Variants in TIAM1 observed in about 807,000 individuals in gnomAD.
The protein encoded by TIAM1 is rho guanine nucleotide exchange factor TIAM1.
A neutral mutation model predicts 163.5 loss-of-function variants in TIAM1; 65 were observed. That is an observed-to-expected ratio of 0.40 (90% CI 0.33 to 0.49). The LOEUF (loss-of-function observed/expected upper bound fraction) is 0.49. Among genes scored for constraint, TIAM1 ranks in the 20% least tolerant of loss-of-function variants. TIAM1 has a pLI of 0.77. For missense variants in TIAM1, 1,789 were observed against 2,044.7 expected (o/e 0.87, Z 2.41); for synonymous variants, 833 against 810.1 (o/e 1.03, Z -0.48).
At chr21:31,516,723 T>G (rs1401824591) in intron 1 of TIAM1, among the ~76,000 whole-genome samples, 1 of 147,414 alleles carries the variant, frequency 6.8e-6, no homozygotes, top group Non-Finnish European at 1.5e-5. Context: ...CAGAATAAAA[T>G]TGAATAACAG....
chr21:31,378,983 T>C (rs2076733846), intron 2 of TIAM1, among the ~76,000 whole-genome samples: 1 of 152,200 alleles, frequency 6.6e-6, no homozygotes, highest in Non-Finnish European at 1.5e-5. Context: ...ATTTTGTTTT[T>C]TCAATTGAGA....
intron 23 of TIAM1, among the ~76,000 whole-genome samples, chr21:31,135,488 A>C (rs1023316972): frequency 1.3e-5 from 2 of 152,228 alleles, no homozygotes; most frequent in Non-Finnish European, 2.9e-5. Flanking sequence ...AGCATCCTAA[A>C]TCCTGGCCTT....
At chr21:31,514,639 G>A (rs1478494806) in intron 1 of TIAM1, among the ~76,000 whole-genome samples, 1 of 152,136 alleles carries the variant, frequency 6.6e-6, no homozygotes, top group African/African-American at 2.4e-5. Flanking sequence ...ATTGCAGTGA[G>A]CCAAGATTGC....
intron 2 of TIAM1, among the ~76,000 whole-genome samples, chr21:31,278,711 T>C (rs143152307): frequency 1.1e-3 from 170 of 152,358 alleles, no homozygotes; most frequent in African/African-American, 3.8e-3. Context: ...TAGTGACTCA[T>C]GCTTGCAGGG....
intron 1 of TIAM1, among the ~76,000 whole-genome samples, chr21:31,501,995 T>A (rs2046866905): frequency 6.6e-6 from 1 of 152,226 alleles, no homozygotes; most frequent in African/African-American, 2.4e-5. Flanking sequence ...ACCTGGGAAT[T>A]TAATCAGGGT....
At chr21:31,143,576 AATG>A (rs1477456215) in intron 20 of TIAM1, among the ~76,000 whole-genome samples, 1 of 151,796 alleles carries the variant, frequency 6.6e-6, no homozygotes, top group Non-Finnish European at 1.5e-5. Flanking sequence ...TTAAAAGTTT[AATG>A]ATATTTATAG....
At chr21:31,140,693 T>A (rs1432877148) in intron 22 of TIAM1, among the ~76,000 whole-genome samples, 1 of 152,230 alleles carries the variant, frequency 6.6e-6, no homozygotes, top group Non-Finnish European at 1.5e-5. Context: ...TGGGTAGATT[T>A]AACTGATTCA....
intron 22 of TIAM1, among the ~76,000 whole-genome samples, chr21:31,138,924 C>A (rs1249242104): frequency 6.6e-6 from 1 of 152,194 alleles, no homozygotes; most frequent in Admixed American, 6.5e-5. Flanking sequence ...GGGCTTTGCA[C>A]CTCCTGGTAA....
At chr21:31,389,817 T>C (rs1322859489) in intron 2 of TIAM1, among the ~76,000 whole-genome samples, 2 of 152,214 alleles carry the variant, frequency 1.3e-5, no homozygotes, top group South Asian at 2.1e-4. Context: ...TATTTTTCTA[T>C]ATAAATCAAT....
chr21:31,534,158 C>T (rs1050685798), intron 1 of TIAM1, among the ~76,000 whole-genome samples: 14 of 152,192 alleles, frequency 9.2e-5, no homozygotes, highest in African/African-American at 3.4e-4. Flanking sequence ...CTCCAAGGTA[C>T]AAAAACCACG....
chr21:31,276,681 T>A (rs889602540), intron 3 of TIAM1, 51 bp downstream of exon 3: 4 of 152,230 alleles, frequency 2.6e-5, no homozygotes, highest in Non-Finnish European at 4.4e-5. Context: ...TTGAAGCATT[T>A]CCATTAATTC....
At chr21:31,222,609 ATC>A (rs2087620946) in intron 8 of TIAM1, among the ~76,000 whole-genome samples, 2 of 146,978 alleles carry the variant, frequency 1.4e-5, no homozygotes, top group South Asian at 4.4e-4. Context: ...CTCCAAAGAG[ATC>A]TGTGTTCCAT....
chr21:31,486,564 G>A (rs370444129), intron 1 of TIAM1, among the ~76,000 whole-genome samples: 1 of 152,240 alleles, frequency 6.6e-6, no homozygotes, highest in African/African-American at 2.4e-5. Context: ...TCTGGGCTTG[G>A]TTGTGCCTTT....
intron 2 of TIAM1, among the ~76,000 whole-genome samples, chr21:31,307,018 G>A (rs574038158): frequency 8.7e-5 from 13 of 149,012 alleles, no homozygotes; most frequent in African/African-American, 2.3e-4. Context: ...GCATTGCATC[G>A]CCAACTTTTC....
At chr21:31,464,231 TC>T (rs2045440134) in intron 1 of TIAM1, among the ~76,000 whole-genome samples, 1 of 152,014 alleles carries the variant, frequency 6.6e-6, no homozygotes, top group Admixed American at 6.6e-5. Context: ...AGCAGAACCA[TC>T]CAGGACCTTG....
intron 2 of TIAM1, among the ~76,000 whole-genome samples, chr21:31,410,397 A>G (rs1187315556): frequency 6.6e-6 from 1 of 151,282 alleles, no homozygotes; most frequent in Admixed American, 6.6e-5. Flanking sequence ...ACGGTACGTA[A>G]ATGAGACAGT....
intron 2 of TIAM1, among the ~76,000 whole-genome samples, chr21:31,390,980 T>G (rs561017707): frequency 2.0e-5 from 3 of 152,132 alleles, no homozygotes; most frequent in African/African-American, 4.8e-5. Flanking sequence ...GCCACGCCTC[T>G]TCTTAAAGGC....
intron 16 of TIAM1, chr21:31,160,381 G>A (rs1042136977): frequency 1.5e-5 from 6 of 398,376 alleles, no homozygotes; most frequent in Non-Finnish European, 2.7e-5. Flanking sequence ...AAAAACAACT[G>A]AGCTAGAAAG....
chr21:31,500,677 A>T (rs566849949), intron 1 of TIAM1, among the ~76,000 whole-genome samples: 1 of 152,266 alleles, frequency 6.6e-6, no homozygotes, highest in East Asian at 1.9e-4. Context: ...ACACACAGGG[A>T]TGATGGAGGC....
Sources: allele counts gnomAD v4.1 joint callset (sites outside exome capture counted in the v4.1 genomes callset), GRCh38; gene constraint gnomAD v4.1.1; transcripts MANE v1.5; gene names NCBI Gene and HGNC (gene_info 2026-07-23, HGNC 2026-07-21).